Variants in MBNL2 observed in about 807,000 individuals in gnomAD.
The protein encoded by MBNL2 is muscleblind-like protein 2.
A neutral mutation model predicts 41.9 loss-of-function variants in MBNL2; 17 were observed. That is an observed-to-expected ratio of 0.41 (90% confidence interval 0.28 to 0.61). The LOEUF (loss-of-function observed/expected upper bound fraction) is 0.61, where lower values mean the gene tolerates loss of function less well. Ranked by LOEUF, MBNL2 falls within the 20% of genes least tolerant of loss-of-function variation. The pLI is 0.35. For synonymous variants in MBNL2, 195 were observed against 182.9 expected (o/e 1.07, Z -0.53); for missense variants, 336 against 505.6 (o/e 0.66, Z 3.22).
the MBNL2 span, among the ~76,000 whole-genome samples, chr13:97,164,180 G>A: frequency 2.1e-3 from 315 of 152,164 alleles, 1 homozygote; most frequent in Non-Finnish European, 3.1e-3. Context: ...CTAATTTTTT[G>A]TATTTTTATT....
intron 2 of MBNL2, among the ~76,000 whole-genome samples, chr13:97,309,757 T>C (rs768065935): frequency 1.3e-5 from 2 of 152,196 alleles, no homozygotes; most frequent in Non-Finnish European, 2.9e-5. Flanking sequence ...AAAAATATCA[T>C]AGCGAGAGAT....
intron 1 of MBNL2, among the ~76,000 whole-genome samples, chr13:97,262,452 G>A (rs563486323): frequency 6.6e-5 from 10 of 152,206 alleles, no homozygotes; most frequent in African/African-American, 1.7e-4. Flanking sequence ...ATCTTTTGTC[G>A]CTTTCTTTTT....
the MBNL2 span, among the ~76,000 whole-genome samples, chr13:97,198,791 A>G: frequency 6.6e-6 from 1 of 152,082 alleles, no homozygotes; most frequent in African/African-American, 2.4e-5. Flanking sequence ...TATCCTCAAA[A>G]TATATGCAGA....
At chr13:97,358,554 T>TCC (rs968277237) in intron 7 of MBNL2, among the ~76,000 whole-genome samples, 7 of 151,954 alleles carry the variant, frequency 4.6e-5, no homozygotes, top group Non-Finnish European at 1.0e-4. Flanking sequence ...ATGTCATCCC[T>TCC]CCCCCATTTG....
In MBNL2 at chr13:97,328,173, CTTTT is replaced by C. The variant is rs35671709; in HGVS notation, c.175-6084_175-6081del. 5.3e-3 allele frequency among the ~76,000 whole-genome samples: 692 copies of C among 131,776 alleles called. 7 individuals are homozygous for C. Among genetic ancestry groups the C allele is most frequent in the African/African-American group, 0.017 (593 of 34,442 alleles). The allele number at this position is 131,776 out of a possible 152,430, so 86.5% of individuals were successfully genotyped here. ...CAGTTCTGAGACGGTTTCCTTAACC[CTTTT>C]TTTTTTTTTTTTTTTTTTACACTGC... On this transcript the variant is annotated intron_variant, in intron 2 of 8. Transcript: ENST00000679496.
At chr13:97,164,146 A>G in the MBNL2 span, among the ~76,000 whole-genome samples, 1 of 152,150 alleles carries the variant, frequency 6.6e-6, no homozygotes, top group Non-Finnish European at 1.5e-5. Flanking sequence ...AGCCTGGACT[A>G]TAGGTGTGCA....
chr13:97,155,218 C>T, the MBNL2 span, among the ~76,000 whole-genome samples: 1 of 151,726 alleles, frequency 6.6e-6, no homozygotes, highest in East Asian at 1.9e-4. Flanking sequence ...ATATGTTTTC[C>T]ATTCTCTCAT....
In MBNL2 at chr13:97,346,291, GGATA is replaced by G. The variant is rs1314020359; in HGVS notation, c.541-505_541-502del. Among the ~76,000 whole-genome samples, 11 of 152,082 alleles carry G rather than the reference GGATA, an allele frequency of 7.2e-5. No individual in the cohort carries two copies. Among genetic ancestry groups the G allele is most frequent in the Admixed American group, 2.6e-4 (4 of 15,288 alleles). ...TGGATGGATAGATGGATGGGTGGAT[GGATA>G]GATAGATGGATAATAGATAATAGAG... On this transcript the variant is annotated intron_variant, in intron 4 of 8. Transcript: ENST00000679496. This position sits in a 1 kb window ranked among gnomAD's most constrained non-coding sequence, Gnocchi z 4.2.
intron 5 of MBNL2, among the ~76,000 whole-genome samples, chr13:97,348,714 A>C (rs943338854): frequency 6.6e-6 from 1 of 152,168 alleles, no homozygotes; most frequent in African/African-American, 2.4e-5. Flanking sequence ...CTCCCTCAAG[A>C]AGGAGAGCTA....
the MBNL2 span, among the ~76,000 whole-genome samples, chr13:97,158,743 G>T: frequency 6.6e-6 from 1 of 151,992 alleles, no homozygotes; most frequent in African/African-American, 2.4e-5. Flanking sequence ...TAGTTTGATT[G>T]CACTGTGGTC....
intron 1 of MBNL2, among the ~76,000 whole-genome samples, chr13:97,233,174 T>TATA (rs2042689603): frequency 1.7e-5 from 2 of 119,872 alleles, no homozygotes; most frequent in South Asian, 3.0e-4. Flanking sequence ...TATATATATA[T>TATA]ATCTTTTTAT....
At chr13:97,158,581 T>C in the MBNL2 span, among the ~76,000 whole-genome samples, 7 of 151,254 alleles carry the variant, frequency 4.6e-5, no homozygotes, top group South Asian at 4.2e-4. Flanking sequence ...GTCCCAGAGA[T>C]TCTGGTATGT....
intron 2 of MBNL2, among the ~76,000 whole-genome samples, chr13:97,299,895 T>C (rs1417371446): frequency 6.6e-6 from 1 of 152,220 alleles, no homozygotes; most frequent in Non-Finnish European, 1.5e-5. Context: ...AACAATCATA[T>C]GGCTTTTAAC....
At chr13:97,220,498 G>A (rs1478159663), upstream of MBNL2, among the ~76,000 whole-genome samples, 8 of 152,250 alleles carry the variant, frequency 5.3e-5, no homozygotes, top group East Asian at 1.9e-4. Context: ...GGAAAACAGT[G>A]GAGAAAAAGT....
chr13:97,176,628 C>T, the MBNL2 span, among the ~76,000 whole-genome samples: 1 of 152,130 alleles, frequency 6.6e-6, no homozygotes, highest in East Asian at 1.9e-4. Context: ...ATGAGTACAG[C>T]TTAGCCTGCA....
intron 2 of MBNL2, among the ~76,000 whole-genome samples, chr13:97,307,845 C>T (rs898193302): frequency 2.6e-5 from 4 of 152,182 alleles, no homozygotes; most frequent in Admixed American, 1.3e-4. Flanking sequence ...AGTGACTCCT[C>T]GAGGGCACGG....
At chr13:97,247,910 T>C (rs2045788415) in intron 1 of MBNL2, among the ~76,000 whole-genome samples, 1 of 152,202 alleles carries the variant, frequency 6.6e-6, no homozygotes, top group Non-Finnish European at 1.5e-5. Context: ...CTTTTCAGTC[T>C]CAAAGCGTAT....
intron 2 of MBNL2, among the ~76,000 whole-genome samples, chr13:97,288,053 C>T (rs1246899224): frequency 6.6e-6 from 1 of 151,198 alleles, no homozygotes; most frequent in Non-Finnish European, 1.5e-5. Context: ...GGATTACAGC[C>T]ATGAGCCACC....
intron 1 of MBNL2, among the ~76,000 whole-genome samples, chr13:97,264,824 A>T (rs151078671): frequency 6.6e-6 from 1 of 152,214 alleles, no homozygotes; most frequent in African/African-American, 2.4e-5. Flanking sequence ...CGGGGAAGGA[A>T]ATGGAAGTTC....
Sources: gnomAD v4.1 joint callset for allele counts (sites outside exome capture counted in the v4.1 genomes callset) on GRCh38, gnomAD v4.1.1 for gene constraint, Gnocchi (gnomAD v3.1) non-coding constraint, MANE v1.5 for transcripts, NCBI Gene and HGNC (gene_info 2026-07-23, HGNC 2026-07-21) for gene names.